Variants in CSMD1 observed in about 807,000 individuals in gnomAD.
The protein encoded by CSMD1 is CUB and sushi domain-containing protein 1.
A neutral mutation model predicts 417.5 loss-of-function variants in CSMD1; 213 were observed. The observed-to-expected ratio is 0.51, with a 90% CI of 0.46 to 0.57. CSMD1 has a LOEUF of 0.57. Among genes scored for constraint, CSMD1 ranks in the 20% least tolerant of loss-of-function variants. The probability of loss-of-function intolerance (pLI) is 0.00; values close to 1 mark genes in which losing one functional copy is unlikely to be tolerated. For synonymous variants in CSMD1, 2,862 were observed against 1,736.8 expected (o/e 1.65, Z -16.11); for missense variants, 6,923 against 4,529.7 (o/e 1.53, Z -15.17).
intron 23 of CSMD1, among the ~76,000 whole-genome samples, chr8:3,313,434 A>T (rs944415220): frequency 8.5e-5 from 13 of 152,330 alleles, no homozygotes; most frequent in Admixed American, 3.9e-4. Flanking sequence ...AAACAACCCC[A>T]TCAAAAAGTG....
intron 25 of CSMD1, among the ~76,000 whole-genome samples, chr8:3,301,893 TAAAG>T (rs1804437846): frequency 6.6e-6 from 1 of 152,102 alleles, no homozygotes; most frequent in Non-Finnish European, 1.5e-5. Flanking sequence ...AAAGGAAACA[TAAAG>T]AGATGGAGAA....
At chr8:4,421,931 G>A (rs1255649339) in intron 2 of CSMD1, among the ~76,000 whole-genome samples, 1 of 151,962 alleles carries the variant, frequency 6.6e-6, no homozygotes, top group Non-Finnish European at 1.5e-5. Context: ...GGGAGTTTCA[G>A]AAGGTACAAA....
chr8:3,823,775 C>A (rs893063675), intron 5 of CSMD1, among the ~76,000 whole-genome samples: 1 of 152,006 alleles, frequency 6.6e-6, no homozygotes, highest in Non-Finnish European at 1.5e-5. Context: ...ATACTTTTGT[C>A]AGTCTTGGTC....
intron 8 of CSMD1, among the ~76,000 whole-genome samples, chr8:3,592,651 T>C (rs2469361): frequency 0.88 from 133,418 of 152,116 alleles, 58,829 homozygotes; most frequent in African/African-American, 0.93. Flanking sequence ...GGTCTATGTG[T>C]GTGTTTACGT....
intron 22 of CSMD1, among the ~76,000 whole-genome samples, chr8:3,343,688 T>C (rs975868617): frequency 3.3e-5 from 5 of 152,228 alleles, no homozygotes; most frequent in Non-Finnish European, 7.3e-5. Flanking sequence ...CATTTTATAT[T>C]CATTACTTTA....
At chr8:4,297,912 G>C (rs1041644571) in intron 3 of CSMD1, among the ~76,000 whole-genome samples, 3 of 152,144 alleles carry the variant, frequency 2.0e-5, no homozygotes, top group African/African-American at 7.2e-5. Context: ...TATATAATCA[G>C]AAAGGTTTTT....
chr8:4,804,535 G>C (rs559665196), intron 1 of CSMD1, among the ~76,000 whole-genome samples: 2 of 151,606 alleles, frequency 1.3e-5, no homozygotes, highest in African/African-American at 4.8e-5. Flanking sequence ...ACGTGAGAGA[G>C]AGAGAGAGGG....
At chr8:3,391,216 A>G (rs898726563) in intron 17 of CSMD1, among the ~76,000 whole-genome samples, 2 of 152,190 alleles carry the variant, frequency 1.3e-5, no homozygotes, top group African/African-American at 4.8e-5. Context: ...ACCACTAAAT[A>G]TACTCCTTTA....
At chr8:3,836,596 G>C (rs1224853124) in intron 5 of CSMD1, among the ~76,000 whole-genome samples, 25 of 152,126 alleles carry the variant, frequency 1.6e-4, no homozygotes. Context: ...GCATATTTAA[G>C]TAATTTATAT....
rs375219781 is a variant in CSMD1, at chr8:4,936,932, C to T, written c.85+57400G>A. ...TTTCTTTAAATGTTATTTTTGTTGT[C>T]GGCTCTGGTGGCTCATACCTATAAC... On this transcript the variant is annotated intron_variant, in intron 1 of 69. Coordinates refer to ENST00000635120, the MANE Select transcript of CSMD1 (RefSeq NM_033225.6). Among the ~76,000 whole-genome samples the T allele has an allele frequency of 3.3e-5, 5 of 152,050 alleles. No homozygotes were observed. In the East Asian group the frequency reaches 7.7e-4, roughly 23 times the overall value.
At chr8:4,165,060 C>T (rs1797376572) in intron 3 of CSMD1, among the ~76,000 whole-genome samples, 2 of 152,048 alleles carry the variant, frequency 1.3e-5, no homozygotes, top group Non-Finnish European at 1.5e-5. Flanking sequence ...GCTGTGTAGA[C>T]AGTGAAGTTT....
chr8:3,277,996 T>C (rs565204079), intron 26 of CSMD1, among the ~76,000 whole-genome samples: 1 of 152,166 alleles, frequency 6.6e-6, no homozygotes, highest in African/African-American at 2.4e-5. Context: ...GGTATCTTAA[T>C]GTTTGTTGCT....
chr8:3,212,087 G>C (rs1045274927), intron 30 of CSMD1, among the ~76,000 whole-genome samples: 8 of 152,182 alleles, frequency 5.3e-5, no homozygotes, highest in Admixed American at 3.3e-4. Context: ...GTCTTGACCT[G>C]TAATGCTAGA....
intron 5 of CSMD1, among the ~76,000 whole-genome samples, chr8:3,913,050 C>T (rs1345268736): frequency 6.6e-6 from 1 of 152,090 alleles, no homozygotes; most frequent in African/African-American, 2.4e-5. Context: ...ACTTTAGCAG[C>T]AGGGCAACAT....
At chr8:4,406,453 T>A (rs1272173518) in intron 3 of CSMD1, among the ~76,000 whole-genome samples, 1 of 152,220 alleles carries the variant, frequency 6.6e-6, no homozygotes, top group Non-Finnish European at 1.5e-5. Flanking sequence ...AAATTTCTGA[T>A]AAATCTACTC....
chr8:4,681,189 C>A (rs558101699), intron 1 of CSMD1, among the ~76,000 whole-genome samples: 1 of 152,150 alleles, frequency 6.6e-6, no homozygotes, highest in African/African-American at 2.4e-5. Flanking sequence ...CTATTTTTGG[C>A]AATTGCATTT....
chr8:3,863,362 C>G (rs978996462), intron 5 of CSMD1, among the ~76,000 whole-genome samples: 7 of 148,124 alleles, frequency 4.7e-5, no homozygotes, highest in Non-Finnish European at 1.0e-4. Context: ...TGCCACTGCA[C>G]TCTAGCCTAG....
chr8:4,209,915 G>A (rs1429268239), intron 3 of CSMD1, among the ~76,000 whole-genome samples: 3 of 152,142 alleles, frequency 2.0e-5, no homozygotes, highest in Non-Finnish European at 4.4e-5. Context: ...TCCATGGAAA[G>A]CGGTGACCAC....
At chr8:4,772,563 A>G (rs1041282172) in intron 1 of CSMD1, among the ~76,000 whole-genome samples, 1 of 152,218 alleles carries the variant, frequency 6.6e-6, no homozygotes, top group Non-Finnish European at 1.5e-5. Context: ...CATATGTCTT[A>G]AAGTGTATTG....
Sources: allele counts gnomAD v4.1 joint callset (sites outside exome capture counted in the v4.1 genomes callset), GRCh38; gene constraint gnomAD v4.1.1; transcripts MANE v1.5; gene names NCBI Gene and HGNC (gene_info 2026-07-23, HGNC 2026-07-21).